The following NKAIN2 variants were observed in gnomAD, a reference collection of about 807,000 sequenced individuals.
NKAIN2 encodes the protein sodium/potassium-transporting ATPase subunit beta-1-interacting protein 2.
In NKAIN2, 14 loss-of-function variants were observed where a neutral mutation model predicts 32.6. The ratio of observed to expected loss-of-function variants is 0.43; its 90% CI spans 0.28 to 0.67. The LOEUF (loss-of-function observed/expected upper bound fraction) is 0.67, where lower values mean the gene tolerates loss of function less well. Ranked by LOEUF, NKAIN2 falls within the 30% of genes least tolerant of loss-of-function variation. The probability of loss-of-function intolerance (pLI) is 0.17; values close to 1 mark genes in which losing one functional copy is unlikely to be tolerated. For synonymous variants in NKAIN2, 80 were observed against 87.2 expected, an observed-to-expected ratio of 0.92 and a Z score of 0.46; for missense variants, 198 against 258.3, an observed-to-expected ratio of 0.77 and a Z score of 1.60.
At chr6:124,692,096 G>A (rs1774285242) in intron 4 of NKAIN2, among the ~76,000 whole-genome samples, 1 of 152,102 alleles carries the variant, frequency 6.6e-6, no homozygotes, top group Non-Finnish European at 1.5e-5. Context: ...ATTATAAAAT[G>A]TATTACTACA....
At chr6:124,039,936 T>C (rs1208520308) in intron 1 of NKAIN2, among the ~76,000 whole-genome samples, 1 of 151,978 alleles carries the variant, frequency 6.6e-6, no homozygotes, top group African/African-American at 2.4e-5. Flanking sequence ...CTTCTAGCTT[T>C]TGTTTTAACA....
At chr6:124,639,390 G>T (rs761705673) in intron 3 of NKAIN2, among the ~76,000 whole-genome samples, 1 of 152,282 alleles carries the variant, frequency 6.6e-6, no homozygotes, top group African/African-American at 2.4e-5. Context: ...GCTCATGCCT[G>T]TAAATCCCAG....
chr6:124,600,429 T>A (rs1014142167), intron 3 of NKAIN2, among the ~76,000 whole-genome samples: 3 of 152,138 alleles, frequency 2.0e-5, no homozygotes, highest in Non-Finnish European at 2.9e-5. Context: ...ATGATTTATA[T>A]CGTATGAAAC....
At chr6:124,240,141 C>T (rs9491095) in intron 1 of NKAIN2, among the ~76,000 whole-genome samples, 1 of 152,152 alleles carries the variant, frequency 6.6e-6, no homozygotes, top group South Asian at 2.1e-4. Context: ...ACTAGAAAAT[C>T]TAGAAGAAAT....
intron 1 of NKAIN2, among the ~76,000 whole-genome samples, chr6:124,000,227 A>T (rs903514596): frequency 1.3e-5 from 2 of 152,058 alleles, no homozygotes; most frequent in African/African-American, 4.8e-5. Flanking sequence ...TCAGAATTTC[A>T]ATTCTTACCA....
At chr6:123,899,138 A>G (rs1047244020) in intron 1 of NKAIN2, among the ~76,000 whole-genome samples, 4 of 152,206 alleles carry the variant, frequency 2.6e-5, no homozygotes, top group African/African-American at 9.7e-5. Flanking sequence ...CTCATTTTGC[A>G]TATAGTGTTG....
intron 1 of NKAIN2, among the ~76,000 whole-genome samples, chr6:123,830,888 T>A (rs1291456209): frequency 6.6e-6 from 1 of 152,320 alleles, no homozygotes; most frequent in Non-Finnish European, 1.5e-5. Context: ...ATTTTGTATA[T>A]CAGGTGGTTC....
Position 123,808,810 on chromosome 6 carries a change from A to T in NKAIN2, c.54+4556A>T, listed in dbSNP as rs146504510. Among the ~76,000 whole-genome samples the T allele has an allele frequency of 1.6e-3, 241 of 152,322 alleles. 1 individual carries two copies. Among genetic ancestry groups the T allele is most frequent in the African/African-American group, 5.1e-3 (213 of 41,570 alleles). On this transcript the variant is annotated intron_variant, in intron 1 of 6. Transcript: ENST00000368417. ...TCTGATGCTGCTTTACTTTGAGGTC[A>T]GATTCTCTACTTGCCCAGTCAGGAA...
At chr6:124,734,841 T>G (rs182138960) in intron 4 of NKAIN2, among the ~76,000 whole-genome samples, 6 of 151,920 alleles carry the variant, frequency 3.9e-5, no homozygotes, top group African/African-American at 1.4e-4. Context: ...CTGGAAAAAA[T>G]CATAATAATG....
intron 4 of NKAIN2, among the ~76,000 whole-genome samples, chr6:124,694,873 T>A (rs1314343037): frequency 1.3e-5 from 2 of 152,160 alleles, no homozygotes; most frequent in African/African-American, 4.8e-5. Context: ...TGCCAGTAAA[T>A]TTAATAAAAA....
At chr6:124,550,794 AAGAG>A (rs1780259622) in intron 3 of NKAIN2, among the ~76,000 whole-genome samples, 1 of 152,220 alleles carries the variant, frequency 6.6e-6, no homozygotes, top group Admixed American at 6.5e-5. Flanking sequence ...AACAGGGAAA[AAGAG>A]AGAACATGGC....
At chr6:124,192,299 A>G (rs952167546) in intron 1 of NKAIN2, among the ~76,000 whole-genome samples, 5 of 152,110 alleles carry the variant, frequency 3.3e-5, no homozygotes, top group African/African-American at 1.2e-4. Flanking sequence ...TGTTTTTGTG[A>G]TCATTTCATT....
chr6:124,484,451 A>G (rs908309401), intron 3 of NKAIN2, among the ~76,000 whole-genome samples: 2 of 152,220 alleles, frequency 1.3e-5, no homozygotes, highest in African/African-American at 4.8e-5. Context: ...AATTATATTT[A>G]TGAAACACAA....
chr6:123,942,644 T>G (rs192858070), intron 1 of NKAIN2, among the ~76,000 whole-genome samples: 1 of 152,038 alleles, frequency 6.6e-6, no homozygotes, highest in East Asian at 1.9e-4. Context: ...TTATTGCTGA[T>G]ATTTTTGTTG....
At chr6:124,558,000 C>T (rs1471428381) in intron 3 of NKAIN2, among the ~76,000 whole-genome samples, 3 of 152,166 alleles carry the variant, frequency 2.0e-5, no homozygotes, top group African/African-American at 7.2e-5. Context: ...ACATGATATA[C>T]AATGCATTGC....
In NKAIN2 at chr6:124,185,467, A is replaced by G. The variant is rs1022783138; in HGVS notation, c.55-97538A>G. Among the ~76,000 whole-genome samples the G allele has an allele frequency of 2.0e-4, 30 of 152,184 alleles. 1 individual carries two copies. The highest frequency in any genetic ancestry group is 7.2e-4 in the African/African-American group (30 of 41,464). ...ATACAAAGAATGTTTTGTATGCTCA[A>G]AGAAAGATGAACTTATATAATGAAC... On this transcript the variant is annotated intron_variant, in intron 1 of 6. Coordinates refer to ENST00000368417, the MANE Select transcript of NKAIN2 (RefSeq NM_001040214.3).
chr6:124,659,652 C>T (rs1784673091), intron 4 of NKAIN2, among the ~76,000 whole-genome samples: 1 of 152,086 alleles, frequency 6.6e-6, no homozygotes, highest in East Asian at 1.9e-4. Context: ...GGAAACAAGG[C>T]TAGTTGAGTA....
chr6:124,684,751 AATTC>A (rs1338873636), intron 4 of NKAIN2, among the ~76,000 whole-genome samples: 1 of 152,134 alleles, frequency 6.6e-6, no homozygotes, highest in Non-Finnish European at 1.5e-5. Context: ...ACTTAACTAG[AATTC>A]ATTGAGTGCT....
chr6:124,023,775 A>G (rs748478560), intron 1 of NKAIN2, among the ~76,000 whole-genome samples: 3 of 152,154 alleles, frequency 2.0e-5, no homozygotes, highest in South Asian at 2.1e-4. Context: ...TTGTATATTC[A>G]TATTACATTT....
Sources: gnomAD v4.1 joint callset for allele counts (sites outside exome capture counted in the v4.1 genomes callset) on GRCh38, gnomAD v4.1.1 for gene constraint, MANE v1.5 for transcripts, NCBI Gene and HGNC (gene_info 2026-07-23, HGNC 2026-07-21) for gene names.